Variants in TRNT1 observed in about 807,000 individuals in gnomAD.
TRNT1 encodes the protein CCA tRNA nucleotidyltransferase 1, mitochondrial.
Under a neutral mutation model 45.6 loss-of-function variants are expected in TRNT1, and 44 were observed. The ratio of observed to expected loss-of-function variants is 0.97; its 90% CI spans 0.76 to 1.24. The LOEUF (loss-of-function observed/expected upper bound fraction) is 1.24, where lower values mean the gene tolerates loss of function less well. TRNT1 is among the 50% of genes most tolerant of loss of function. TRNT1 has a pLI of 0.00. For synonymous variants in TRNT1, 201 were observed against 171.4 expected, an observed-to-expected ratio of 1.17 and a Z score of -1.35; for missense variants, 633 against 504.4, an observed-to-expected ratio of 1.25 and a Z score of -2.44.
chr3:3,150,871 G>A (rs916426560), downstream of TRNT1: 5 of 1,613,302 alleles, frequency 3.1e-6, no homozygotes, highest in Admixed American at 3.3e-5. Flanking sequence ...CTGTTTACAA[G>A]CAAAGTATTA....
intron 2 of TRNT1, among the ~76,000 whole-genome samples, chr3:3,134,466 A>T (rs1705204838): frequency 6.6e-6 from 1 of 152,290 alleles, no homozygotes; most frequent in African/African-American, 2.4e-5. Context: ...TGAGTTCTGG[A>T]TCTCTTTGTA....
chr3:3,141,547 A>G (rs769561741), intron 4 of TRNT1, among the ~76,000 whole-genome samples: 2 of 152,196 alleles, frequency 1.3e-5, no homozygotes, highest in Non-Finnish European at 2.9e-5. Context: ...GATGAAACCT[A>G]TTTATTTCAG....
In TRNT1 at chr3:3,136,532, G is replaced by T. The variant is rs754558674; in HGVS notation, c.149-728G>T. The T allele has an allele frequency of 1.6e-5, 6 of 381,718 alleles. No individual in the cohort carries two copies. In the Admixed American group the frequency reaches 2.0e-4, roughly 13 times the overall value. 23.6% of individuals were successfully genotyped at this position (381,718 alleles called of 1,614,324 possible). A position where few individuals can be genotyped will look rare whatever the true frequency, so the allele number is the denominator to read the frequency against. On this transcript the variant is annotated intron_variant, in intron 2 of 7. Transcript: ENST00000251607. The stretch of plus-strand genomic sequence containing the variant: ...AGACTAATGTCTGATAGTTTCATGC[G>T]TGAACATCCTGCCTCAACATCTATC...
At chr3:3,144,762 A>T in intron 5 of TRNT1, 52 bp downstream of exon 5, 1 of 1,433,052 alleles carries the variant, frequency 7.0e-7, no homozygotes, top group Non-Finnish European at 9.3e-7. Context: ...TGACTAGAGC[A>T]TAACAGTGGT....
At chr3:3,149,981 A>ATATT (rs1706385155), downstream of TRNT1, 1 of 152,178 alleles carries the variant, frequency 6.6e-6, no homozygotes, top group Non-Finnish European at 1.5e-5. Flanking sequence ...TTATGAGTAG[A>ATATT]TATTTTACAT....
At chr3:3,129,977 G>T (rs1559213771) in intron 2 of TRNT1, 2 of 1,550,416 alleles carry the variant, frequency 1.3e-6, no homozygotes, top group Admixed American at 2.0e-5. Flanking sequence ...CCTCCATTGT[G>T]CACGTTGCAA....
chr3:3,150,611 C>A, downstream of TRNT1: 1 of 400,726 alleles, frequency 2.5e-6, no homozygotes, highest in Non-Finnish European at 4.7e-6. Context: ...TATCAGATTC[C>A]ACAGGATAAT....
rs74415772 is a variant in TRNT1 at position 3,138,056 on chromosome 3, T to C, written c.342+603T>C. Among the ~76,000 whole-genome samples the C allele has an allele frequency of 1.5e-3, 226 of 152,342 alleles. 1 individual carries two copies. Among genetic ancestry groups the C allele is most frequent in the African/African-American group, 5.3e-3 (220 of 41,588 alleles). On this transcript the variant is annotated intron_variant, in intron 3 of 7. Coordinates refer to ENST00000251607, the MANE Select transcript of TRNT1 (RefSeq NM_182916.3). ...TTAAACACATTATATCAAGTTTCAA[T>C]TGGGTTTTTGGGAAACATCTTACCT...
chr3:3,152,715 T>C (rs1367551677), downstream of TRNT1: 2 of 1,114,986 alleles, frequency 1.8e-6, no homozygotes, highest in Non-Finnish European at 2.7e-6. Context: ...CCTTCAGTTT[T>C]ATATAATACC....
chr3:3,152,813 A>G, downstream of TRNT1: 1 of 572,534 alleles, frequency 1.7e-6, no homozygotes, highest in African/African-American at 1.9e-5. Flanking sequence ...GTGATGACCC[A>G]AAGGAAATAG....
At chr3:3,150,512 T>G, downstream of TRNT1, 1 of 209,004 alleles carries the variant, frequency 4.8e-6, no homozygotes, top group Non-Finnish European at 9.5e-6. Context: ...ATTGTAGGAA[T>G]TTAAGATTTT....
downstream of TRNT1, chr3:3,152,900 A>C (rs1158454498): frequency 5.4e-5 from 22 of 405,910 alleles, 1 homozygote; most frequent in Non-Finnish European, 7.3e-5. Flanking sequence ...GGAGTCTGAG[A>C]GTGTAAGTGC....
At chr3:3,139,753 G>C (rs1308797361) in intron 3 of TRNT1, among the ~76,000 whole-genome samples, 2 of 152,024 alleles carry the variant, frequency 1.3e-5, no homozygotes, top group Non-Finnish European at 2.9e-5. Context: ...TTTGAGACAG[G>C]GTCTCACTCT....
intron 6 of TRNT1, among the ~76,000 whole-genome samples, chr3:3,147,125 G>A (rs1176807177): frequency 2.0e-5 from 3 of 152,144 alleles, no homozygotes; most frequent in Admixed American, 2.0e-4. Context: ...ACTGAATGGG[G>A]GGTGGATCTT....
intron 2 of TRNT1, chr3:3,129,877 C>G (rs529252967): frequency 1.3e-5 from 20 of 1,550,580 alleles, no homozygotes; most frequent in Admixed American, 9.8e-5. Flanking sequence ...AGATTGATTT[C>G]AGAGCCCAGC....
At chr3:3,150,363 T>C (rs1347462869), downstream of TRNT1, 1 of 151,544 alleles carries the variant, frequency 6.6e-6, no homozygotes, top group Non-Finnish European at 1.5e-5. Context: ...AACAAAGCCC[T>C]TTTAGAATAA....
chr3:3,132,744 A>AAAAAAAAAAAAAAAAAATAG (rs1705092044), intron 2 of TRNT1, among the ~76,000 whole-genome samples: 1 of 124,188 alleles, frequency 8.1e-6, no homozygotes, highest in Non-Finnish European at 1.6e-5. Flanking sequence ...AAAAAAAAAA[A>AAAAAAAAAAAAAAAAAATAG]CACAAAAAAA....
At chr3:3,142,277 C>G (rs1473175772) in intron 4 of TRNT1, among the ~76,000 whole-genome samples, 7 of 152,188 alleles carry the variant, frequency 4.6e-5, no homozygotes, top group Non-Finnish European at 1.0e-4. Context: ...TTGGTACTAT[C>G]ATTTTCTGAC....
chr3:3,143,498 C>G (rs937035097), intron 4 of TRNT1, among the ~76,000 whole-genome samples: 10 of 152,146 alleles, frequency 6.6e-5, no homozygotes, highest in South Asian at 2.1e-4. Flanking sequence ...CTGTAATGAA[C>G]AGGACTGCCC....
Sources: gnomAD v4.1 joint callset for allele counts (sites outside exome capture counted in the v4.1 genomes callset) on GRCh38, gnomAD v4.1.1 for gene constraint, MANE v1.5 for transcripts, NCBI Gene and HGNC (gene_info 2026-07-23, HGNC 2026-07-21) for gene names.